MYRIP: variants seen among roughly 807,000 people sequenced by gnomAD.
MYRIP encodes rab effector MyRIP.
Under a neutral mutation model 98.0 loss-of-function variants are expected in MYRIP, and 49 were observed. The observed-to-expected ratio is 0.50, with a 90% confidence interval of 0.40 to 0.63. MYRIP has a LOEUF of 0.63. Ranked by LOEUF, MYRIP falls within the 30% of genes least tolerant of loss-of-function variation. MYRIP has a pLI of 0.00. For missense variants in MYRIP, 1,004 were observed against 1,058.2 expected, an observed-to-expected ratio of 0.95 and a Z score of 0.71; for synonymous variants, 404 against 409.5, an observed-to-expected ratio of 0.99 and a Z score of 0.16.
chr3:39,876,440 T>A (rs1942998168), intron 1 of MYRIP, among the ~76,000 whole-genome samples: 1 of 152,244 alleles, frequency 6.6e-6, no homozygotes. Context: ...CTAGCCTCGA[T>A]GGTCTTTACA....
chr3:40,132,316 C>A (rs1949661678), intron 3 of MYRIP, among the ~76,000 whole-genome samples: 1 of 152,156 alleles, frequency 6.6e-6, no homozygotes, highest in African/African-American at 2.4e-5. Flanking sequence ...CCACCAGTTG[C>A]CTCCTAAGAA....
At chr3:39,976,722 A>T (rs936942313) in intron 2 of MYRIP, among the ~76,000 whole-genome samples, 4 of 152,234 alleles carry the variant, frequency 2.6e-5, no homozygotes, top group African/African-American at 9.6e-5. Flanking sequence ...GCCATAAAAA[A>T]GGATGAGTTC....
At chr3:39,841,864 T>A (rs1941809492) in intron 1 of MYRIP, among the ~76,000 whole-genome samples, 1 of 152,192 alleles carries the variant, frequency 6.6e-6, no homozygotes, top group Non-Finnish European at 1.5e-5. Flanking sequence ...AGATGCCAGC[T>A]GGAGCTCTGC....
chr3:39,984,638 TG>T lies in MYRIP; in HGVS notation c.111-59409del, dbSNP rs1945986228. Among the ~76,000 whole-genome samples, 9 of 152,324 alleles carry T rather than the reference TG, an allele frequency of 5.9e-5. No homozygotes were observed. The South Asian group carries it at 1.9e-3, about 32-fold the overall frequency. On this transcript the variant is annotated intron_variant, in intron 2 of 16. Transcript: ENST00000302541. ...ATCCAGTCTATCATTGTTGGACATT[TG>T]GGTTGGTTCCAAGTCTTTGCTGTTG... is the stretch of plus-strand genomic sequence containing the variant.
Position 39,906,972 on chromosome 3 carries a change from AG to A in MYRIP, c.110+6047del, listed in dbSNP as rs1943894654. ...GTGTGATTAGGGGTGGGAGAGGTTA[AG>A]ACTTGTTTCCCTCTGTTGGACCCCA... is the stretch of plus-strand genomic sequence containing the variant. On this transcript the variant is annotated intron_variant, in intron 2 of 16. Transcript: ENST00000302541. Among the ~76,000 whole-genome samples the A allele has an allele frequency of 3.3e-5, 5 of 152,306 alleles. No individual in the cohort carries two copies. In the South Asian group the frequency reaches 1.0e-3, roughly 32 times the overall value.
chr3:40,032,695 G>A (rs996895469), intron 2 of MYRIP, among the ~76,000 whole-genome samples: 5 of 152,150 alleles, frequency 3.3e-5, no homozygotes, highest in Non-Finnish European at 7.3e-5. Flanking sequence ...AGTAGAAAAA[G>A]AGGGAATCCT....
intron 3 of MYRIP, 31 bp downstream of exon 3, chr3:40,044,302 A>G: frequency 6.2e-7 from 1 of 1,601,048 alleles, no homozygotes; most frequent in Non-Finnish European, 8.6e-7. Flanking sequence ...CAGGGTCTAC[A>G]CTGTTGATTT....
At chr3:40,130,739 T>A (rs1185577327) in intron 3 of MYRIP, among the ~76,000 whole-genome samples, 1 of 152,036 alleles carries the variant, frequency 6.6e-6, no homozygotes, top group Non-Finnish European at 1.5e-5. Flanking sequence ...TGTGTGTATC[T>A]CCAGACTGGT....
chr3:39,887,019 C>T (rs1440999875), intron 1 of MYRIP, among the ~76,000 whole-genome samples: 4 of 151,626 alleles, frequency 2.6e-5, no homozygotes, highest in African/African-American at 9.7e-5. Flanking sequence ...CAAACTAGAA[C>T]TCAGGATTAA....
intron 3 of MYRIP, among the ~76,000 whole-genome samples, chr3:40,099,705 T>C (rs1270603677): frequency 6.6e-6 from 1 of 152,248 alleles, no homozygotes; most frequent in Admixed American, 6.5e-5. Context: ...CTTGCTGCTA[T>C]TTGAAGCATG....
chr3:40,070,707 C>T (rs1416826077), intron 3 of MYRIP, among the ~76,000 whole-genome samples: 1 of 152,140 alleles, frequency 6.6e-6, no homozygotes, highest in Non-Finnish European at 1.5e-5. Context: ...AAACCATCCA[C>T]CCCCTTACCA....
rs906094257 is a variant in MYRIP, at chr3:40,170,190, G to A, written c.873+97G>A. Reference sequence around the variant, plus strand: ...TTGAATCAGGTGGCCACTGGCCAGGGTAAAAATTTCAGAAGGATGGGGAGC... The same window carrying A: ...TTGAATCAGGTGGCCACTGGCCAGGATAAAAATTTCAGAAGGATGGGGAGC... On this transcript the variant is annotated intron_variant, in intron 8 of 16. Transcript: ENST00000302541. 12 of 1,482,340 alleles carry A rather than the reference G, an allele frequency of 8.1e-6. No homozygotes were observed. The Admixed American group carries it at 1.1e-4, about 14-fold the overall frequency. The allele number at this position is 1,482,340 out of a possible 1,614,324, so 91.8% of individuals were successfully genotyped here.
intron 2 of MYRIP, among the ~76,000 whole-genome samples, chr3:39,996,305 A>G (rs1946352880): frequency 6.6e-6 from 1 of 152,218 alleles, no homozygotes; most frequent in Non-Finnish European, 1.5e-5. Context: ...ATGCAGAGAC[A>G]CACATAGGCT....
At chr3:39,850,146 T>A (rs1384173718) in intron 1 of MYRIP, among the ~76,000 whole-genome samples, 2 of 152,136 alleles carry the variant, frequency 1.3e-5, no homozygotes, top group Non-Finnish European at 2.9e-5. Context: ...TCCAGGAAGC[T>A]CTATTTGTAA....
At chr3:39,886,489 G>A (rs1415814863) in intron 1 of MYRIP, among the ~76,000 whole-genome samples, 9 of 150,602 alleles carry the variant, frequency 6.0e-5, no homozygotes, top group Admixed American at 4.6e-4. Flanking sequence ...AAAGGATGGA[G>A]GAAGATCTAC....
At chr3:39,864,640 G>T (rs758199748) in intron 1 of MYRIP, among the ~76,000 whole-genome samples, 1 of 152,076 alleles carries the variant, frequency 6.6e-6, no homozygotes, top group African/African-American at 2.4e-5. Flanking sequence ...ACTGCTAAAA[G>T]AAATCTGTCA....
intron 10 of MYRIP, among the ~76,000 whole-genome samples, chr3:40,204,038 A>G (rs867696595): frequency 0.069 from 603 of 8,764 alleles, 60 homozygotes; most frequent in African/African-American, 0.14. Context: ...TATATTATAT[A>G]TTATATATAA....
intron 3 of MYRIP, among the ~76,000 whole-genome samples, chr3:40,108,055 G>A (rs1949083935): frequency 6.6e-6 from 1 of 152,182 alleles, no homozygotes; most frequent in South Asian, 2.1e-4. Context: ...CCTTTGTGTG[G>A]TGATCCAAGT....
intron 2 of MYRIP, among the ~76,000 whole-genome samples, chr3:39,996,963 TA>T (rs542739476): frequency 7.4e-4 from 113 of 152,158 alleles, no homozygotes; most frequent in African/African-American, 2.6e-3. Context: ...AAGGCAGAAA[TA>T]AAGATGTTCT....
Sources: allele counts gnomAD v4.1 joint callset (sites outside exome capture counted in the v4.1 genomes callset), GRCh38; gene constraint gnomAD v4.1.1; transcripts MANE v1.5; gene names NCBI Gene and HGNC (gene_info 2026-07-23, HGNC 2026-07-21).